The following LRRC9 variants were observed in gnomAD, a reference collection of about 807,000 sequenced individuals.
LRRC9 encodes the protein leucine-rich repeat-containing protein 9.
A neutral mutation model predicts 63.2 loss-of-function variants in LRRC9; 122 were observed. That is an observed-to-expected ratio of 1.93 (90% CI 1.67 to 2.24). LRRC9 has a LOEUF of 2.24. Among genes scored for constraint, LRRC9 ranks in the 30% most tolerant of loss-of-function variants. LRRC9 has a pLI of 0.00. For synonymous variants in LRRC9, 366 were observed against 213.1 expected (o/e 1.72, Z -6.25); for missense variants, 1,071 against 627.7 (o/e 1.71, Z -7.55).
At chr14:60,034,015 CTTTTTTT>C (rs1157239003) in intron 29 of LRRC9, among the ~76,000 whole-genome samples, 15 of 116,054 alleles carry the variant, frequency 1.3e-4, no homozygotes, top group African/African-American at 5.2e-4. Context: ...TTTTTTCTTT[CTTTTTTT>C]TTTTTTTTTT....
chr14:60,034,015 C>CTTTCTT (rs1555385955), intron 29 of LRRC9, among the ~76,000 whole-genome samples: 1 of 116,058 alleles, frequency 8.6e-6, no homozygotes, highest in Non-Finnish European at 1.7e-5. Flanking sequence ...TTTTTTCTTT[C>CTTTCTT]TTTTTTTTTT....
In LRRC9 at chr14:59,977,632, G is replaced by A. The variant is rs181930352; in HGVS notation, c.1762+285G>A. Among the ~76,000 whole-genome samples the A allele has an allele frequency of 2.6e-5, 4 of 151,228 alleles. No individual in the cohort carries two copies. In the East Asian group the frequency reaches 7.8e-4, roughly 29 times the overall value. On this transcript the variant is annotated intron_variant, in intron 14 of 31. Coordinates refer to ENST00000445360, the Ensembl canonical transcript of LRRC9. ...TTTTCAAAGAATTAAAAAAGCACCC[G>A]ACTTTTAACAAGAGTTTTAGAGAAA... is the stretch of plus-strand genomic sequence containing the variant.
At chr14:60,040,086 C>A (rs1892813600) in intron 29 of LRRC9, among the ~76,000 whole-genome samples, 1 of 152,004 alleles carries the variant, frequency 6.6e-6, no homozygotes, top group Non-Finnish European at 1.5e-5. Flanking sequence ...GAGTGAGTTT[C>A]TGAATCCTGA....
At chr14:60,032,576 G>A (rs913991853) in intron 29 of LRRC9, among the ~76,000 whole-genome samples, 2 of 152,094 alleles carry the variant, frequency 1.3e-5, no homozygotes, top group Non-Finnish European at 2.9e-5. Flanking sequence ...AACCTTTCCT[G>A]TTGGAATCTT....
chr14:59,998,960 ATAAT>A (rs1443514941), intron 18 of LRRC9, 137 bp from the exon 19 acceptor site: 16 of 451,980 alleles, frequency 3.5e-5, no homozygotes, highest in Non-Finnish European at 4.7e-5. Flanking sequence ...TATTATTTAA[ATAAT>A]TAAGCTTTTT....
chr14:60,022,010 G>A (rs1046969511), intron 26 of LRRC9, among the ~76,000 whole-genome samples: 16 of 151,596 alleles, frequency 1.1e-4, no homozygotes, highest in Non-Finnish European at 1.5e-4. Context: ...ATGTTTATTC[G>A]CAGTGAGTGG....
At chr14:60,016,812 C>T in intron 24 of LRRC9, 22 bp downstream of exon 24, 1 of 640,830 alleles carries the variant, frequency 1.6e-6, no homozygotes, top group South Asian at 1.7e-5. Context: ...TTATTATATG[C>T]CTTTTTACAT....
rs186820991 is a variant in LRRC9, at chr14:59,952,491, G to C, written c.883-7327G>C. On this transcript the variant is annotated intron_variant, in intron 8 of 31. Transcript: ENST00000445360. ...CGCTCACGCTGGGAGCTGTAGACCA[G>C]AGCTGTTCCTATTCGGCCATCTTGG... Among the ~76,000 whole-genome samples the C allele has an allele frequency of 5.0e-3, 756 of 152,290 alleles. 3 individuals are homozygous for C. Among genetic ancestry groups the C allele is most frequent in the African/African-American group, 0.017 (714 of 41,570 alleles).
At chr14:59,988,550 T>C (rs219348) in intron 17 of LRRC9, among the ~76,000 whole-genome samples, 113,796 of 152,054 alleles carry the variant, frequency 0.75, 44,731 homozygotes, top group Non-Finnish European at 0.87. Context: ...TATCTACTGT[T>C]GTACACGCAA....
At chr14:59,965,843 C>T (rs1566823117) in intron 10 of LRRC9, among the ~76,000 whole-genome samples, 1 of 123,804 alleles carries the variant, frequency 8.1e-6, no homozygotes. Flanking sequence ...AGATGGCGCC[C>T]CTGCACTCTA....
chr14:60,016,570 G>A, intron 23 of LRRC9, 90 bp from the exon 24 acceptor site: 2 of 582,740 alleles, frequency 3.4e-6, no homozygotes, highest in Non-Finnish European at 3.1e-6. Flanking sequence ...CTGGAAAAAT[G>A]AGTCCACTGA....
intron 6 of LRRC9, among the ~76,000 whole-genome samples, chr14:59,937,195 TAAAAAAAAAAAA>T (rs755193026): frequency 3.4e-5 from 3 of 89,480 alleles, no homozygotes; most frequent in African/African-American, 1.2e-4. Flanking sequence ...ATGTTTTCTG[TAAAAAAAAAAAA>T]AAAAAAAAAA....
At chr14:59,926,256 C>CTATATTTTT (rs1889200996) in intron 1 of LRRC9, among the ~76,000 whole-genome samples, 1 of 152,130 alleles carries the variant, frequency 6.6e-6, no homozygotes, top group Non-Finnish European at 1.5e-5. Context: ...GCAATCATTG[C>CTATATTTTT]TCTTTTTGTA....
At chr14:60,001,484 A>G (rs1209338225) in intron 19 of LRRC9, among the ~76,000 whole-genome samples, 1 of 152,186 alleles carries the variant, frequency 6.6e-6, no homozygotes, top group East Asian at 1.9e-4. Context: ...GAATACATAC[A>G]TATTCAATTT....
chr14:59,937,663 A>G (rs1166968807), intron 6 of LRRC9, among the ~76,000 whole-genome samples: 1 of 152,188 alleles, frequency 6.6e-6, no homozygotes, highest in Non-Finnish European at 1.5e-5. Flanking sequence ...TTAAACAGGA[A>G]GAGGCAAGAC....
chr14:60,018,213 C>T (rs219391), intron 24 of LRRC9, 158 bp from the exon 25 acceptor site: 440,486 of 556,160 alleles, frequency 0.79, 179,202 homozygotes, highest in Non-Finnish European at 0.86. Context: ...TTCAGCCGAT[C>T]ATTTAACCAA....
Position 59,957,709 on chromosome 14 carries a change from A to G in LRRC9, c.883-2109A>G, listed in dbSNP as rs561416596. Among the ~76,000 whole-genome samples the G allele has an allele frequency of 4.6e-5, 7 of 152,264 alleles. No homozygotes were observed. In the South Asian group the frequency reaches 1.5e-3, roughly 32 times the overall value. On this transcript the variant is annotated intron_variant, in intron 8 of 31. Transcript: ENST00000445360. Reference sequence around the variant, plus strand: ...TGCGATCATTTGGAGGAGAAGAGGCATTCTGGTTTTTGGAATTTTCAGCGT... The same window carrying G: ...TGCGATCATTTGGAGGAGAAGAGGCGTTCTGGTTTTTGGAATTTTCAGCGT...
rs1035886993 is a variant in LRRC9, at chr14:59,986,476, G to A, written c.2211+1252G>A. Among the ~76,000 whole-genome samples, 1 of 152,018 alleles carries A rather than the reference G, an allele frequency of 6.6e-6. No homozygotes were observed. Among genetic ancestry groups the A allele is most frequent in the Non-Finnish European group, 1.5e-5 (1 of 67,978 alleles). ...GTTAAACTCACTTCCTTTTTCTTTT[G>A]GTAGGCCCAAGCCCTTTTAAGTAAG... On this transcript the variant is annotated intron_variant, in intron 17 of 31. Transcript: ENST00000445360. The surrounding 1 kb of genome is among the most constrained non-coding windows in gnomAD (Gnocchi z 4.7).
chr14:60,018,333 A>C, intron 24 of LRRC9, 38 bp from the exon 25 acceptor site: 1 of 698,920 alleles, frequency 1.4e-6, no homozygotes, highest in South Asian at 1.5e-5. Context: ...TTCCTGTCCT[A>C]TTAAAATAAT....
Sources: allele counts gnomAD v4.1 joint callset (sites outside exome capture counted in the v4.1 genomes callset), GRCh38; gene constraint gnomAD v4.1.1; non-coding constraint Gnocchi (gnomAD v3.1); transcripts MANE v1.5; gene names NCBI Gene and HGNC (gene_info 2026-07-23, HGNC 2026-07-21).